FMN2: variants seen among roughly 807,000 people sequenced by gnomAD.
FMN2 encodes formin-2.
Under a neutral mutation model 142.3 loss-of-function variants are expected in FMN2, and 51 were observed. The observed-to-expected ratio is 0.36, with a 90% confidence interval of 0.29 to 0.45. FMN2 has a LOEUF of 0.45. Ranked by LOEUF, FMN2 falls within the 20% of genes least tolerant of loss-of-function variation. FMN2 has a pLI of 1.00. For synonymous variants in FMN2, 882 were observed against 869.8 expected (o/e 1.01, Z -0.25); for missense variants, 1,936 against 2,122.8 (o/e 0.91, Z 1.73).
At chr1:240,146,199 T>C (rs1321421159) in intron 2 of FMN2, among the ~76,000 whole-genome samples, 10 of 141,832 alleles carry the variant, frequency 7.1e-5, no homozygotes, top group South Asian at 2.3e-4. Context: ...CTGGCTAACA[T>C]GGAGAAACCC....
intron 1 of FMN2, among the ~76,000 whole-genome samples, chr1:240,115,303 T>C: frequency 6.6e-6 from 1 of 152,350 alleles, no homozygotes; most frequent in Admixed American, 6.5e-5. Flanking sequence ...TGAATTTTGG[T>C]ACTATTAATA....
chr1:240,211,325 C>A, intron 6 of FMN2, 90 bp downstream of exon 6: 1 of 1,256,370 alleles, frequency 8.0e-7, no homozygotes, highest in Non-Finnish European at 1.1e-6. Context: ...AGTTTTTGGG[C>A]TGTGTAAACC....
chr1:240,428,073 A>G (rs1008395596), intron 15 of FMN2, among the ~76,000 whole-genome samples: 1 of 152,186 alleles, frequency 6.6e-6, no homozygotes, highest in Non-Finnish European at 1.5e-5. Context: ...TTAGTTTACC[A>G]ATTTTCAAAA....
At chr1:240,376,718 T>C (rs994206468) in intron 14 of FMN2, among the ~76,000 whole-genome samples, 5 of 152,194 alleles carry the variant, frequency 3.3e-5, no homozygotes, top group Admixed American at 2.6e-4. Context: ...TAAGGGACTT[T>C]AGCATCCATG....
At chr1:240,261,454 T>G (rs1668628253) in intron 7 of FMN2, among the ~76,000 whole-genome samples, 3 of 152,148 alleles carry the variant, frequency 2.0e-5, no homozygotes, top group South Asian at 2.1e-4. Flanking sequence ...AATATTGTAA[T>G]AAACAGCAAG....
At chr1:240,370,833 A>G (rs918891155) in intron 14 of FMN2, among the ~76,000 whole-genome samples, 2 of 152,226 alleles carry the variant, frequency 1.3e-5, no homozygotes, top group Non-Finnish European at 2.9e-5. Flanking sequence ...AAAAGATTGA[A>G]TAATGTTAGT....
In FMN2 at chr1:240,380,663, A is replaced by G. The variant is rs114954597; in HGVS notation, c.4859-11848A>G. On this transcript the variant is annotated intron_variant, in intron 14 of 17. Transcript: ENST00000319653. ...AATGATCTCAAATTAACAATGTAACATTGCATCTCAAGGAGCTAGAAAAGC... is the reference window on the plus strand; with the variant it reads ...AATGATCTCAAATTAACAATGTAACGTTGCATCTCAAGGAGCTAGAAAAGC... 8.6e-3 allele frequency among the ~76,000 whole-genome samples: 1,311 copies of G among 151,750 alleles called. 17 individuals carry two copies. The highest frequency in any genetic ancestry group is 0.03 in the African/African-American group (1,231 of 41,390).
chr1:240,373,090 A>G (rs1424314155), intron 14 of FMN2, among the ~76,000 whole-genome samples: 1 of 152,132 alleles, frequency 6.6e-6, no homozygotes, highest in Non-Finnish European at 1.5e-5. Flanking sequence ...AGGCTGAGGC[A>G]GGAGAATCGC....
chr1:240,205,891 C>CTTTT (rs57803350), intron 4 of FMN2, among the ~76,000 whole-genome samples: 29 of 120,572 alleles, frequency 2.4e-4, no homozygotes, highest in South Asian at 5.3e-4. Context: ...TATCAGCCAT[C>CTTTT]TTTTTTTTTT....
intron 1 of FMN2, among the ~76,000 whole-genome samples, chr1:240,103,932 A>C (rs1009941100): frequency 1.3e-5 from 2 of 151,674 alleles, no homozygotes; most frequent in African/African-American, 2.4e-5. Context: ...GCTGGAGTGC[A>C]GTGGTGCGAT....
rs1477636669 is a variant in FMN2 at position 240,474,842 on chromosome 1, A to G, written c.*688A>G. The G allele has an allele frequency of 1.3e-5, 2 of 152,598 alleles. No homozygotes were observed. Among genetic ancestry groups the G allele is most frequent in the South Asian group, 2.1e-4 (1 of 4,834 alleles). The allele number at this position is 152,598 out of a possible 1,614,324, so 9.5% of individuals were successfully genotyped here. A position where few individuals can be genotyped will look rare whatever the true frequency, so the allele number is the denominator to read the frequency against. ...CGTTGCAAGTTATAGTTGTGGATAA[A>G]GGGGAGAATTTATTGCTCTTGCAAA... On this transcript the variant is annotated 3_prime_UTR_variant, in exon 18 of 18. Coordinates refer to ENST00000319653, the MANE Select transcript of FMN2 (RefSeq NM_020066.5).
intron 8 of FMN2, among the ~76,000 whole-genome samples, chr1:240,300,327 G>A (rs764044249): frequency 8.5e-5 from 13 of 152,122 alleles, no homozygotes; most frequent in Non-Finnish European, 1.9e-4. Flanking sequence ...CCTTTGAAAC[G>A]GGAGCTCAGC....
intron 13 of FMN2, among the ~76,000 whole-genome samples, chr1:240,348,399 T>G (rs971636352): frequency 2.0e-5 from 3 of 152,066 alleles, no homozygotes; most frequent in Admixed American, 2.0e-4. Flanking sequence ...TATTTTGTAT[T>G]TTTAGTAGAT....
chr1:240,437,521 C>G (rs1164288916), intron 15 of FMN2, among the ~76,000 whole-genome samples: 1 of 151,984 alleles, frequency 6.6e-6, no homozygotes, highest in African/African-American at 2.4e-5. Flanking sequence ...CCAGGATGGT[C>G]TCGATCTCCT....
chr1:240,344,432 G>A (rs1203388382), intron 13 of FMN2, among the ~76,000 whole-genome samples: 3 of 152,092 alleles, frequency 2.0e-5, no homozygotes, highest in African/African-American at 7.2e-5. Flanking sequence ...TTTCATTTGT[G>A]ATTTTTTTCC....
At chr1:240,098,331 A>G (rs1039657761) in intron 1 of FMN2, among the ~76,000 whole-genome samples, 2 of 151,782 alleles carry the variant, frequency 1.3e-5, no homozygotes, top group Non-Finnish European at 2.9e-5. Context: ...TGAACTCCTG[A>G]CCTCAGGTGT....
intron 2 of FMN2, among the ~76,000 whole-genome samples, chr1:240,166,259 C>T (rs936929060): frequency 3.3e-5 from 5 of 151,498 alleles, no homozygotes; most frequent in South Asian, 2.1e-4. Context: ...GACAGAGTTT[C>T]GCTCTTGTTG....
At position 240,473,708 on chromosome 1, in the gene FMN2, A is replaced by G. The variant is rs1341156114; in HGVS notation, c.5143-420A>G. Among the ~76,000 whole-genome samples the G allele has an allele frequency of 6.6e-6, 1 of 152,168 alleles. No homozygotes were observed. The highest frequency in any genetic ancestry group is 1.5e-5 in the Non-Finnish European group (1 of 68,032). On this transcript the variant is annotated intron_variant, in intron 17 of 17. Coordinates refer to ENST00000319653, the MANE Select transcript of FMN2 (RefSeq NM_020066.5). This position sits in a 1 kb window ranked among gnomAD's most constrained non-coding sequence, Gnocchi z 4.3. The stretch of plus-strand genomic sequence containing the variant: ...CCTGATGATTCAGTCTTATAACTGT[A>G]TTGAATGTGGAGGAATAGTTACTTA...
chr1:240,384,437 C>G (rs758309536), intron 14 of FMN2, among the ~76,000 whole-genome samples: 4 of 152,148 alleles, frequency 2.6e-5, no homozygotes, highest in Non-Finnish European at 5.9e-5. Flanking sequence ...TTTGCCAGCT[C>G]TTTTCCATTG....
Sources: allele counts gnomAD v4.1 joint callset (sites outside exome capture counted in the v4.1 genomes callset), GRCh38; gene constraint gnomAD v4.1.1; non-coding constraint Gnocchi (gnomAD v3.1); transcripts MANE v1.5; gene names NCBI Gene and HGNC (gene_info 2026-07-23, HGNC 2026-07-21).